Variants in SOS1 observed in about 807,000 individuals in gnomAD.
The protein encoded by SOS1 is son of sevenless homolog 1.
Under a neutral mutation model 157.6 loss-of-function variants are expected in SOS1, and 25 were observed. The ratio of observed to expected loss-of-function variants is 0.16; its 90% confidence interval spans 0.12 to 0.22. The LOEUF is 0.22. SOS1 is among the 10% of genes least tolerant of loss of function. SOS1 has a pLI of 1.00. For missense variants in SOS1, 1,237 were observed against 1,599.1 expected, an observed-to-expected ratio of 0.77 and a Z score of 3.86; for synonymous variants, 528 against 534.0, an observed-to-expected ratio of 0.99 and a Z score of 0.16.
chr2:38,998,163 T>C (rs1440990371), intron 17 of SOS1, among the ~76,000 whole-genome samples: 1 of 152,170 alleles, frequency 6.6e-6, no homozygotes, highest in Non-Finnish European at 1.5e-5. Flanking sequence ...ATGAACAAAA[T>C]AACAGGCACT....
rs1440190281 is a variant in SOS1, at chr2:38,984,778, GTATAT to G, written c.*1041_*1045del. ...AATTAAATTAAAACAGACCTGCCAG[GTATAT>G]TATATAACATTCACTATATACATAT... is the stretch of plus-strand genomic sequence containing the variant. On this transcript the variant is annotated 3_prime_UTR_variant, in exon 23 of 23. Transcript: ENST00000402219. 6.6e-6 allele frequency: 1 copy of G among 152,060 alleles called. No individual in the cohort carries two copies. Among genetic ancestry groups the G allele is most frequent in the African/African-American group, 2.4e-5 (1 of 41,386 alleles). The allele number at this position is 152,060 out of a possible 1,614,324, so 9.4% of individuals were successfully genotyped here.
Position 39,023,054 on chromosome 2 carries a change from C to G in SOS1, c.1374G>C (p.Glu458Asp), listed in dbSNP as rs886042040. The change falls in exon 10 of 23, where the codon GAG becomes GAC. Residue 458 changes from glutamate (E) to aspartate (D), a missense_variant. Physicochemically the swap from Glu to Asp is conservative, Grantham distance 45. This residue lies in a region of SOS1 where 210 missense variants were observed against 220.2 expected (regional missense o/e 0.95). Coordinates refer to ENST00000402219, the MANE Select transcript of SOS1 (RefSeq NM_005633.4). ...GTLTRVGAKH[E>D]RHIFLFDGLM... ...AGCCATCAAAGAGAAATATGTGTCT[C>G]TCATGTTTGGCTCCTACACGTGTAA... 3 of 1,613,738 alleles carry G rather than the reference C, an allele frequency of 1.9e-6. No individual in the cohort carries two copies. The highest frequency in any genetic ancestry group is 2.5e-6 in the Non-Finnish European group (3 of 1,179,774).
At chr2:38,987,984 A>G (rs1473378247) in intron 21 of SOS1, among the ~76,000 whole-genome samples, 1 of 152,080 alleles carries the variant, frequency 6.6e-6, no homozygotes, top group Non-Finnish European at 1.5e-5. Flanking sequence ...ACTTTATTAG[A>G]ATTTATAGAA....
At chr2:39,048,622 G>A (rs368631557) in intron 6 of SOS1, among the ~76,000 whole-genome samples, 1 of 151,610 alleles carries the variant, frequency 6.6e-6, no homozygotes, top group Admixed American at 6.6e-5. Context: ...GGCTGGTCTC[G>A]AACTCCTGAC....
chr2:39,055,561 A>G lies in SOS1; in HGVS notation c.511-738T>C, dbSNP rs112510707. Reference sequence around the variant, plus strand: ...TGTCTTCAGTTAAAAATACCCAAACATTTGAAATTCTTCTTCAAATCAGGT... The same window carrying G: ...TGTCTTCAGTTAAAAATACCCAAACGTTTGAAATTCTTCTTCAAATCAGGT... On this transcript the variant is annotated intron_variant, in intron 4 of 22. Transcript: ENST00000402219. 6.3e-3 allele frequency among the ~76,000 whole-genome samples: 965 copies of G among 152,276 alleles called. 9 individuals carry two copies. The highest frequency in any genetic ancestry group is 0.022 in the African/African-American group (926 of 41,550).
At chr2:39,045,273 A>AGTGTGTGTGTGTGT (rs60673777) in intron 6 of SOS1, among the ~76,000 whole-genome samples, 2,681 of 108,048 alleles carry the variant, frequency 0.025, 51 homozygotes, top group Non-Finnish European at 0.035. Context: ...AGAGAGAGAG[A>AGTGTGTGTGTGTGT]GTGTGTGTGT....
chr2:39,007,882 G>A (rs935416562), intron 15 of SOS1, among the ~76,000 whole-genome samples: 3 of 152,042 alleles, frequency 2.0e-5, no homozygotes, highest in Admixed American at 1.3e-4. Context: ...GGCCCTGAGA[G>A]CAAATGGCAA....
At chr2:39,101,009 A>G (rs1313858015) in intron 1 of SOS1, among the ~76,000 whole-genome samples, 1 of 152,226 alleles carries the variant, frequency 6.6e-6, no homozygotes, top group Admixed American at 6.5e-5. Context: ...CATTGCTATA[A>G]AGAAATACCT....
intron 20 of SOS1, among the ~76,000 whole-genome samples, 158 bp from the exon 21 acceptor site, chr2:38,989,472 G>A (rs761843053): frequency 2.0e-5 from 3 of 151,824 alleles, no homozygotes; most frequent in Non-Finnish European, 4.4e-5. Flanking sequence ...TTACTTTTGA[G>A]AAGAAAAAAA....
At chr2:39,038,445 T>C (rs901896319) in intron 6 of SOS1, among the ~76,000 whole-genome samples, 1 of 151,942 alleles carries the variant, frequency 6.6e-6, no homozygotes, top group South Asian at 2.1e-4. Context: ...GCAAAGAAAG[T>C]GGTTTCTTGG....
At chr2:38,987,341 T>C (rs1208909363) in intron 22 of SOS1, 132 bp downstream of exon 22, 2 of 682,220 alleles carry the variant, frequency 2.9e-6, no homozygotes, top group African/African-American at 3.6e-5. Context: ...CTATATGTAA[T>C]CCTTGTTTAA....
chr2:38,982,697 G>C lies in SOS1; in HGVS notation c.*3127C>G, dbSNP rs1340926470. The C allele has an allele frequency of 6.6e-6, 1 of 152,100 alleles. No homozygotes were observed. The highest frequency in any genetic ancestry group is 2.4e-5 in the African/African-American group (1 of 41,440). The allele number at this position is 152,100 out of a possible 1,614,324, so 9.4% of individuals were successfully genotyped here. On this transcript the variant is annotated 3_prime_UTR_variant, in exon 23 of 23. Coordinates refer to ENST00000402219, the MANE Select transcript of SOS1 (RefSeq NM_005633.4). ...TGGGACACTCCTCCTATTTTGCTGA[G>C]TCACTTAAAAATCTGAATTTAAGCT...
intron 1 of SOS1, among the ~76,000 whole-genome samples, chr2:39,112,661 A>T (rs1189360050): frequency 2.0e-5 from 3 of 152,064 alleles, no homozygotes; most frequent in Non-Finnish European, 2.9e-5. Context: ...CAATTCCCAG[A>T]CTTCATTATT....
chr2:39,115,277 T>C (rs140720903), intron 1 of SOS1, among the ~76,000 whole-genome samples: 1 of 152,184 alleles, frequency 6.6e-6, no homozygotes, highest in African/African-American at 2.4e-5. Flanking sequence ...TGCACTAGTT[T>C]GCACCTTCTA....
chr2:39,033,165 G>C lies in SOS1; in HGVS notation c.1074+2047C>G, dbSNP rs375289125. Among the ~76,000 whole-genome samples the C allele has an allele frequency of 1.4e-4, 21 of 146,442 alleles. No individual in the cohort carries two copies. In the East Asian group the frequency reaches 3.5e-3, roughly 24 times the overall value. Reference sequence around the variant, plus strand: ...GGCTCACTGCAACCTTCGCCTCCCAGGTTCAGGTGATTCTCCTGCCTCAGC... The same window carrying C: ...GGCTCACTGCAACCTTCGCCTCCCACGTTCAGGTGATTCTCCTGCCTCAGC... On this transcript the variant is annotated intron_variant, in intron 8 of 22. Transcript: ENST00000402219.
chr2:39,089,530 CAAAA>C (rs56688960), intron 1 of SOS1, among the ~76,000 whole-genome samples: 1 of 118,132 alleles, frequency 8.5e-6, no homozygotes, highest in Admixed American at 9.3e-5. Context: ...ACTCTGTCTC[CAAAA>C]AAAAAAAAAA....
In SOS1 at chr2:39,120,647, G is replaced by C. The variant is rs981936549; in HGVS notation, c.-225C>G. 5 of 260,916 alleles carry C rather than the reference G, an allele frequency of 1.9e-5. No individual in the cohort carries two copies. The highest frequency in any genetic ancestry group is 3.6e-4 in the East Asian group (2 of 5,588). 16.2% of individuals were successfully genotyped at this position (260,916 alleles called of 1,614,324 possible). ...GGTACCAGCCGTGGAGAACGGACGC[G>C]GCCCGGAGGCGGCGGCATCCCGCAC... is the stretch of plus-strand genomic sequence containing the variant. On this transcript the variant is annotated 5_prime_UTR_variant, in exon 1 of 23. Coordinates refer to ENST00000402219, the MANE Select transcript of SOS1 (RefSeq NM_005633.4).
chr2:39,056,861 G>A lies in SOS1; in HGVS notation c.351C>T (p.Val117=), dbSNP rs2124607504. Reference sequence around the variant, plus strand: ...CCTGGTGGTCAATTTTATAACCTAGGACCTCCTGCAAAATTAAAAGAAAAG... The same window carrying A: ...CCTGGTGGTCAATTTTATAACCTAGAACCTCCTGCAAAATTAAAAGAAAAG... ...VEKIHPLLKE[V]LGYKIDHQVS... Residue 117 remains valine, a synonymous_variant, in exon 4 of 23, where the codon GTC becomes GTT. Transcript: ENST00000402219. The A allele has an allele frequency of 6.2e-7, 1 of 1,602,704 alleles. No individual in the cohort carries two copies. Among genetic ancestry groups the A allele is most frequent in the Non-Finnish European group, 8.5e-7 (1 of 1,170,214 alleles).
At chr2:39,091,672 A>T (rs1672603180) in intron 1 of SOS1, among the ~76,000 whole-genome samples, 1 of 151,968 alleles carries the variant, frequency 6.6e-6, no homozygotes, top group Non-Finnish European at 1.5e-5. Context: ...GATTCCTCAA[A>T]AGGATCTCCA....
Sources: allele counts gnomAD v4.1 joint callset (sites outside exome capture counted in the v4.1 genomes callset), GRCh38; gene constraint gnomAD v4.1.1; regional missense constraint gnomAD v4.1.1; transcripts MANE v1.5; gene names NCBI Gene and HGNC (gene_info 2026-07-23, HGNC 2026-07-21).